Variants in NBEA observed in about 807,000 individuals in gnomAD.
NBEA encodes the protein lysosomal-trafficking regulator 2.
A neutral mutation model predicts 343.4 loss-of-function variants in NBEA; 44 were observed. The observed-to-expected ratio is 0.13, with a 90% CI of 0.10 to 0.16. NBEA has a LOEUF of 0.16. Ranked by LOEUF, NBEA falls within the 10% of genes least tolerant of loss-of-function variation. The probability of loss-of-function intolerance (pLI) is 1.00; values close to 1 mark genes in which losing one functional copy is unlikely to be tolerated. For missense variants in NBEA, 2,555 were observed against 3,631.3 expected, an observed-to-expected ratio of 0.70 and a Z score of 7.62; for synonymous variants, 1,175 against 1,238.7, an observed-to-expected ratio of 0.95 and a Z score of 1.08.
At chr13:35,648,620 A>C (rs1183037315) in intron 51 of NBEA, among the ~76,000 whole-genome samples, 1 of 152,162 alleles carries the variant, frequency 6.6e-6, no homozygotes, top group East Asian at 1.9e-4. Context: ...AAGTTCATGT[A>C]GCAGAGAATT....
intron 8 of NBEA, among the ~76,000 whole-genome samples, chr13:35,059,129 T>G (rs905092035): frequency 6.6e-6 from 1 of 152,008 alleles, no homozygotes; most frequent in Non-Finnish European, 1.5e-5. Context: ...AAAACTGTTT[T>G]GCTTAATGTA....
rs536821079 is a variant in NBEA at position 35,086,201 on chromosome 13, A to C, written c.1572-12096A>C. On this transcript the variant is annotated intron_variant, in intron 10 of 58. Coordinates refer to ENST00000379939, the MANE Select transcript of NBEA (RefSeq NM_001385012.1). ...TGCCATCCCCATCAAGCTACCAATG[A>C]CTTTCTTCACAGAATTGTAAAAAAC... is the stretch of plus-strand genomic sequence containing the variant. 2.3e-3 allele frequency among the ~76,000 whole-genome samples: 351 copies of C among 152,180 alleles called. 2 individuals are homozygous for C. Among genetic ancestry groups the C allele is most frequent in the African/African-American group, 8.1e-3 (337 of 41,534 alleles).
intron 43 of NBEA, 49 bp from the exon 44 acceptor site, chr13:35,554,938 A>G (rs761082752): frequency 2.8e-5 from 25 of 888,448 alleles, no homozygotes; most frequent in South Asian, 1.0e-4. Flanking sequence ...GATTTTTTAA[A>G]GTTATGAATT....
intron 1 of NBEA, among the ~76,000 whole-genome samples, chr13:35,035,372 A>G (rs1389543389): frequency 1.3e-5 from 2 of 151,942 alleles, no homozygotes; most frequent in Admixed American, 6.6e-5. Context: ...TTGTCAGAGA[A>G]GAGCTTTATA....
At chr13:35,573,342 T>G (rs2080537946) in intron 45 of NBEA, among the ~76,000 whole-genome samples, 1 of 152,216 alleles carries the variant, frequency 6.6e-6, no homozygotes, top group South Asian at 2.1e-4. Flanking sequence ...AGTTCATACC[T>G]TTAAGAAGTT....
intron 22 of NBEA, among the ~76,000 whole-genome samples, chr13:35,161,042 A>G (rs1158560812): frequency 1.3e-5 from 2 of 152,126 alleles, no homozygotes; most frequent in Non-Finnish European, 2.9e-5. Context: ...GTGTGTGGGG[A>G]AAGTATTTTT....
intron 46 of NBEA, among the ~76,000 whole-genome samples, chr13:35,584,504 CTT>C (rs56397549): frequency 3.3e-4 from 47 of 143,664 alleles, no homozygotes; most frequent in Middle Eastern, 3.5e-3. Context: ...TATTTCTCTT[CTT>C]TTTTTTTTTT....
intron 38 of NBEA, among the ~76,000 whole-genome samples, chr13:35,428,718 T>A (rs2044881064): frequency 6.6e-6 from 1 of 152,246 alleles, no homozygotes; most frequent in Non-Finnish European, 1.5e-5. Flanking sequence ...TGTTGGCATT[T>A]TAGGGTGATC....
At chr13:35,298,766 A>G (rs1249507175) in intron 35 of NBEA, among the ~76,000 whole-genome samples, 1 of 152,006 alleles carries the variant, frequency 6.6e-6, no homozygotes, top group Admixed American at 6.5e-5. Context: ...TCCTTGAGTA[A>G]CCAACTAAAT....
intron 1 of NBEA, among the ~76,000 whole-genome samples, chr13:35,008,483 A>C (rs1306752498): frequency 6.6e-6 from 1 of 152,134 alleles, no homozygotes; most frequent in East Asian, 1.9e-4. Flanking sequence ...AGTGACTAGA[A>C]AAATGTTTGT....
intron 38 of NBEA, among the ~76,000 whole-genome samples, chr13:35,402,860 T>C (rs1211159124): frequency 6.6e-6 from 1 of 152,098 alleles, no homozygotes; most frequent in African/African-American, 2.4e-5. Flanking sequence ...TGTTCTTAAT[T>C]TACTATGTTG....
Position 35,593,447 on chromosome 13 carries a change from G to A in NBEA, c.7296G>A (p.Lys2432=), listed in dbSNP as rs2081624863. 1 of 1,588,158 alleles carries A rather than the reference G, an allele frequency of 6.3e-7. No individual in the cohort carries two copies. The highest frequency in any genetic ancestry group is 8.5e-7 in the Non-Finnish European group (1 of 1,171,832). ...GTCAGAGAGATACTTCTGATGTAAA[G>A]GTAGGCTCTTTTATTTGTTGATATT... ...RTSQRDTSDV[K]ELIPEFYYLP... The change falls in exon 47 of 59, where the codon AAG becomes AAA. Residue 2432 remains lysine, a splice_region_variant and synonymous_variant. Coordinates refer to ENST00000379939, the MANE Select transcript of NBEA (RefSeq NM_001385012.1).
intron 45 of NBEA, among the ~76,000 whole-genome samples, chr13:35,570,057 G>T (rs1023238848): frequency 6.6e-6 from 1 of 152,066 alleles, no homozygotes; most frequent in Non-Finnish European, 1.5e-5. Context: ...CTTTTGAGAC[G>T]GAGTCTCGCT....
At chr13:35,162,089 G>C in intron 23 of NBEA, 122 bp downstream of exon 23, 1 of 762,644 alleles carries the variant, frequency 1.3e-6, no homozygotes, top group Non-Finnish European at 2.1e-6. Flanking sequence ...CATTTTTCTT[G>C]TATCTTGTTT....
At chr13:35,615,489 A>G (rs1388975659) in intron 48 of NBEA, among the ~76,000 whole-genome samples, 1 of 151,964 alleles carries the variant, frequency 6.6e-6, no homozygotes, top group Non-Finnish European at 1.5e-5. Context: ...GATTATAGGC[A>G]TGCACCACCA....
chr13:35,023,063 G>C (rs2061902609), intron 1 of NBEA, among the ~76,000 whole-genome samples: 1 of 151,996 alleles, frequency 6.6e-6, no homozygotes. Flanking sequence ...AGGAAGGAAA[G>C]CAAAAACTAG....
At chr13:35,522,475 C>CAAAAA (rs138270833) in intron 41 of NBEA, among the ~76,000 whole-genome samples, 18 of 42,074 alleles carry the variant, frequency 4.3e-4, no homozygotes, top group African/African-American at 8.0e-4. Flanking sequence ...ATACCATCTC[C>CAAAAA]AAAAAAAAAA....
intron 10 of NBEA, among the ~76,000 whole-genome samples, chr13:35,080,149 G>A (rs557246674): frequency 2.0e-5 from 3 of 152,230 alleles, no homozygotes; most frequent in Admixed American, 2.0e-4. Context: ...TGTCAAGAGA[G>A]TATAGGGGTC....
chr13:35,661,723 A>G (rs748451685), intron 55 of NBEA, among the ~76,000 whole-genome samples: 40 of 152,324 alleles, frequency 2.6e-4, no homozygotes, highest in Non-Finnish European at 4.7e-4. Context: ...TCTTGAAATC[A>G]TAGTAGTAAT....
Sources: gnomAD v4.1 joint callset for allele counts (sites outside exome capture counted in the v4.1 genomes callset) on GRCh38, gnomAD v4.1.1 for gene constraint, MANE v1.5 for transcripts, NCBI Gene and HGNC (gene_info 2026-07-23, HGNC 2026-07-21) for gene names.